Variants in KITLG observed in about 807,000 individuals in gnomAD.
KITLG encodes KIT ligand.
A neutral mutation model predicts 34.1 loss-of-function variants in KITLG; 13 were observed. That is an observed-to-expected ratio of 0.38 (90% CI 0.25 to 0.61). The LOEUF is 0.61. KITLG is among the 20% of genes least tolerant of loss of function. KITLG has a pLI of 0.60. For missense variants in KITLG, 292 were observed against 318.9 expected (o/e 0.92, Z 0.64); for synonymous variants, 110 against 104.0 (o/e 1.06, Z -0.35).
At chr12:88,525,235 C>T (rs1207688864) in intron 3 of KITLG, among the ~76,000 whole-genome samples, 1 of 152,126 alleles carries the variant, frequency 6.6e-6, no homozygotes, top group South Asian at 2.1e-4. Context: ...GTTTCCAATC[C>T]TGGTTCCAGT....
chr12:88,513,858 T>C (rs1158462170), intron 6 of KITLG, among the ~76,000 whole-genome samples: 2 of 151,674 alleles, frequency 1.3e-5, no homozygotes, highest in South Asian at 2.1e-4. Context: ...TTAATAAAAA[T>C]TAGACAAAAA....
intron 1 of KITLG, 35 bp from the exon 2 acceptor site, chr12:88,545,900 C>T (rs369412590): frequency 4.9e-6 from 6 of 1,231,444 alleles, no homozygotes; most frequent in East Asian, 2.3e-5. Context: ...TGGTGATCAT[C>T]AGTTAAGATC....
rs757449990 is a variant in KITLG at position 88,580,450 on chromosome 12, G to C, written c.-172C>G. On this transcript the variant is annotated 5_prime_UTR_variant, in exon 1 of 10. Transcript: ENST00000644744. ...TGCTTCCCGCAGCGCTTCTAGTCTCGGCGCGAGGCGGCGAGCGAAGCCCGG... is the reference window on the plus strand; with the variant it reads ...TGCTTCCCGCAGCGCTTCTAGTCTCCGCGCGAGGCGGCGAGCGAAGCCCGG... 9.2e-5 allele frequency: 72 copies of C among 782,876 alleles called. No homozygotes were observed. The highest frequency in any genetic ancestry group is 1.2e-4 in the Non-Finnish European group (59 of 483,784). The allele number at this position is 782,876 out of a possible 1,614,324, so 48.5% of individuals were successfully genotyped here. A position where few individuals can be genotyped will look rare whatever the true frequency, so the allele number is the denominator to read the frequency against.
intron 4 of KITLG, among the ~76,000 whole-genome samples, chr12:88,516,838 TAGAA>T (rs1168173207): frequency 7.6e-6 from 1 of 131,418 alleles, no homozygotes; most frequent in Non-Finnish European, 1.7e-5. Context: ...TTCCAGTCTT[TAGAA>T]AAAAAAAAAA....
chr12:88,505,273 G>T (rs776990784), intron 8 of KITLG, 38 bp from the exon 9 acceptor site: 2 of 1,527,850 alleles, frequency 1.3e-6, no homozygotes, highest in Non-Finnish European at 1.8e-6. Context: ...TTTGCTCTTG[G>T]TCAGAGATTC....
At chr12:88,512,725 A>C (rs950091403) in intron 6 of KITLG, among the ~76,000 whole-genome samples, 2 of 151,884 alleles carry the variant, frequency 1.3e-5, no homozygotes, top group African/African-American at 4.8e-5. Flanking sequence ...AACTGCAGGA[A>C]TACTATAGTG....
chr12:88,526,360 T>C (rs1869864367), intron 3 of KITLG, among the ~76,000 whole-genome samples: 1 of 152,168 alleles, frequency 6.6e-6, no homozygotes, highest in Non-Finnish European at 1.5e-5. Context: ...GCAGATACTG[T>C]GTGACGAGTT....
intron 3 of KITLG, among the ~76,000 whole-genome samples, chr12:88,532,021 G>T (rs1342620611): frequency 6.6e-6 from 1 of 152,026 alleles, no homozygotes; most frequent in Non-Finnish European, 1.5e-5. Context: ...GTTCCAGTGT[G>T]CCTTCCATGG....
intron 1 of KITLG, 121 bp from the exon 2 acceptor site, chr12:88,545,986 A>C: frequency 1.3e-6 from 1 of 747,290 alleles, no homozygotes; most frequent in Non-Finnish European, 2.5e-6. Context: ...ATTGGCTTAA[A>C]TGCAATTAAA....
rs58146008 is a variant in KITLG at position 88,572,595 on chromosome 12, T to TTATATATA, written c.15+7661_15+7668dup. ...CATTATATATATATTATATACATTA[T>TTATATATA]TATATATATATATATATATATATAA... On this transcript the variant is annotated intron_variant, in intron 1 of 9. Transcript: ENST00000644744. Among the ~76,000 whole-genome samples, 725 of 134,884 alleles carry TTATATATA rather than the reference T, an allele frequency of 5.4e-3. 2 individuals carry two copies. Among genetic ancestry groups the TTATATATA allele is most frequent in the African/African-American group, 0.015 (543 of 37,108 alleles). The allele number at this position is 134,884 out of a possible 152,430, so 88.5% of individuals were successfully genotyped here. A position where few individuals can be genotyped will look rare whatever the true frequency, so the allele number is the denominator to read the frequency against.
chr12:88,580,001 G>C (rs1871962461), intron 1 of KITLG: 1 of 585,246 alleles, frequency 1.7e-6, no homozygotes, highest in Non-Finnish European at 3.1e-6. Flanking sequence ...TACGGTTTCC[G>C]ACTGACAGCT....
intron 3 of KITLG, among the ~76,000 whole-genome samples, chr12:88,530,144 T>A (rs1870031178): frequency 6.6e-6 from 1 of 152,156 alleles, no homozygotes; most frequent in Non-Finnish European, 1.5e-5. Context: ...TGCTTGGCAA[T>A]CACAATCCTA....
At chr12:88,523,313 C>T (rs926786798) in intron 3 of KITLG, among the ~76,000 whole-genome samples, 1 of 152,132 alleles carries the variant, frequency 6.6e-6, no homozygotes, top group African/African-American at 2.4e-5. Context: ...TGAAGTGTCT[C>T]GTTCCAGGTT....
At chr12:88,519,231 A>G (rs964845847) in intron 3 of KITLG, among the ~76,000 whole-genome samples, 1 of 152,134 alleles carries the variant, frequency 6.6e-6, no homozygotes, top group Non-Finnish European at 1.5e-5. Context: ...TGTAACAGGA[A>G]GAGAAGGGAC....
chr12:88,532,614 C>A, intron 2 of KITLG, 111 bp from the exon 3 acceptor site: 1 of 715,372 alleles, frequency 1.4e-6, no homozygotes, highest in Non-Finnish European at 2.4e-6. Context: ...TTAAAGTTAC[C>A]AATGAATTTC....
intron 1 of KITLG, among the ~76,000 whole-genome samples, chr12:88,572,522 T>C (rs1871685037): frequency 6.7e-6 from 1 of 148,828 alleles, no homozygotes; most frequent in Admixed American, 6.7e-5. Flanking sequence ...AAGTAAAGTT[T>C]TAAAAACACT....
intron 2 of KITLG, among the ~76,000 whole-genome samples, chr12:88,535,150 A>G (rs537555536): frequency 3.1e-4 from 47 of 152,334 alleles, no homozygotes; most frequent in Middle Eastern, 3.4e-3. Flanking sequence ...AAATGTAAAG[A>G]GTATGGTGAC....
intron 3 of KITLG, 39 bp from the exon 4 acceptor site, chr12:88,518,906 ATAAG>A (rs755798426): frequency 4.4e-6 from 7 of 1,580,390 alleles, no homozygotes; most frequent in Admixed American, 1.7e-5. Flanking sequence ...AGCTATTTTA[ATAAG>A]TAAGTGCCAT....
chr12:88,532,813 C>A lies in KITLG; in HGVS notation c.130-310G>T, dbSNP rs553836059. On this transcript the variant is annotated intron_variant, in intron 2 of 9. Coordinates refer to ENST00000644744, the MANE Select transcript of KITLG (RefSeq NM_000899.5). ...CTTCCACCTGTGATCTTGGAATTCC[C>A]CTCAAGGACTATTTTCCTACTTGTT... Among the ~76,000 whole-genome samples, 4 of 152,174 alleles carry A rather than the reference C, an allele frequency of 2.6e-5. No individual in the cohort carries two copies. The South Asian group carries it at 8.3e-4, about 32-fold the overall frequency.
Sources: allele counts gnomAD v4.1 joint callset (sites outside exome capture counted in the v4.1 genomes callset), GRCh38; gene constraint gnomAD v4.1.1; transcripts MANE v1.5; gene names NCBI Gene and HGNC (gene_info 2026-07-23, HGNC 2026-07-21).